The following FANCA variants were observed in gnomAD, a reference collection of about 807,000 sequenced individuals.
The protein encoded by FANCA is Fanconi anemia group A protein.
In FANCA, 236 loss-of-function variants were observed where a neutral mutation model predicts 194.3. The ratio of observed to expected loss-of-function variants is 1.21; its 90% CI spans 1.09 to 1.35. FANCA has a LOEUF of 1.35. Among genes scored for constraint, FANCA ranks in the 40% most tolerant of loss-of-function variants. The pLI is 0.00. For synonymous variants in FANCA, 1,014 were observed against 715.8 expected (o/e 1.42, Z -6.65); for missense variants, 2,628 against 1,813.9 (o/e 1.45, Z -8.15).
intron 17 of FANCA, among the ~76,000 whole-genome samples, chr16:89,780,816 G>C (rs1253419048): frequency 1.3e-5 from 2 of 151,608 alleles, no homozygotes; most frequent in African/African-American, 4.9e-5. Flanking sequence ...TGTACTCCCA[G>C]TTACTCAGGA....
In FANCA at chr16:89,783,028, C is replaced by G. The variant is rs2039774328; in HGVS notation, c.1545G>C (p.Lys515Asn). Residue 515 changes from lysine (K) to asparagine (N), a missense_variant, in exon 16 of 43, where the codon AAG (lysine) becomes AAC (asparagine). By Grantham distance (94) the Lys-to-Asn change is moderately conservative (BLOSUM62 0). Transcript: ENST00000389301. The stretch of plus-strand genomic sequence containing the variant: ...TTGCCTTGAGGTCGGCCAGCCGTGT[C>G]TTGGCCAATGAGATGTAGTCTGTGA... The part of the protein sequence containing the change: ...SLLTDYISLA[K>N]TRLADLKVSI... 1 of 1,614,076 alleles carries G rather than the reference C, an allele frequency of 6.2e-7. No homozygotes were observed. The highest frequency in any genetic ancestry group is 8.5e-7 in the Non-Finnish European group (1 of 1,179,968).
intron 36 of FANCA, among the ~76,000 whole-genome samples, chr16:89,743,929 C>T (rs12445695): frequency 0.42 from 63,335 of 151,888 alleles, 14,611 homozygotes; most frequent in East Asian, 0.76. Flanking sequence ...TGGAGTTTCT[C>T]TCTCATTGCC....
Position 89,765,020 on chromosome 16 carries a change from A to T in FANCA, c.2648T>A (p.Leu883His), listed in dbSNP as rs879255256. 6.2e-7 allele frequency: 1 copy of T among 1,614,264 alleles called. No homozygotes were observed. The highest frequency in any genetic ancestry group is 8.5e-7 in the Non-Finnish European group (1 of 1,180,050). ...FRLFSEARQP[L>H]SEEDVASLSW... ...AAGGCTGGCTACGTCCTCCTCAGAA[A>T]GAGGCTGTCGGGCCTCTGAGAACAA... The change falls in exon 28 of 43, where the codon CTT (leucine) becomes CAT (histidine). Residue 883 changes from leucine (L) to histidine (H), a missense_variant. By Grantham distance (99) the Leu-to-His change is moderately conservative (BLOSUM62 -3). Coordinates refer to ENST00000389301, the MANE Select transcript of FANCA (RefSeq NM_000135.4).
In FANCA at chr16:89,749,725, G is replaced by T. The variant is rs2038514840; in HGVS notation, c.3239+5C>A. On this transcript the variant is annotated splice_donor_5th_base_variant and intron_variant, in intron 32 of 42. Coordinates refer to ENST00000389301, the MANE Select transcript of FANCA (RefSeq NM_000135.4). ...CTGCCCTGCCCAGGTGGTAGTAGGT[G>T]TTACCGTTTGTACATTAGCAGCTCC... 6.2e-7 allele frequency: 1 copy of T among 1,613,120 alleles called. No homozygotes were observed. The highest frequency in any genetic ancestry group is 8.5e-7 in the Non-Finnish European group (1 of 1,179,504).
intron 35 of FANCA, 150 bp downstream of exon 35, chr16:89,746,434 C>T (rs2038392212): frequency 1.4e-6 from 1 of 712,208 alleles, no homozygotes; most frequent in Non-Finnish European, 2.5e-6. Flanking sequence ...TATGAGCTGG[C>T]ATCTTTAACT....
chr16:89,781,221 T>A (rs929656925), intron 17 of FANCA, among the ~76,000 whole-genome samples: 7 of 147,918 alleles, frequency 4.7e-5, no homozygotes, highest in African/African-American at 1.3e-4. Context: ...AAAATTAGCC[T>A]GACGTGGTGG....
intron 27 of FANCA, among the ~76,000 whole-genome samples, chr16:89,766,731 T>G (rs565101034): frequency 4.0e-5 from 6 of 151,812 alleles, no homozygotes; most frequent in Non-Finnish European, 7.4e-5. Flanking sequence ...AAAAAAAAAT[T>G]CCTTTGTCTG....
intron 14 of FANCA, among the ~76,000 whole-genome samples, chr16:89,787,151 G>T (rs979379797): frequency 3.9e-5 from 6 of 152,210 alleles, no homozygotes; most frequent in Non-Finnish European, 7.3e-5. Flanking sequence ...CTTAATGGCT[G>T]GGTGCAGTGG....
chr16:89,805,833 T>G (rs1395039521), intron 6 of FANCA, among the ~76,000 whole-genome samples: 2 of 152,248 alleles, frequency 1.3e-5, no homozygotes, highest in Non-Finnish European at 2.9e-5. Context: ...TTTATTCTAA[T>G]TAAATTCATT....
At position 89,770,243 on chromosome 16, in the gene FANCA, C is replaced by G; in HGVS notation, c.2239G>C (p.Ala747Pro). ...CCACACATGGTCCTCACGAAGAGGG[C>G]AGCCCAGGGACCCTGCCTGCAGAGA... ...APPERQGPWA[A>P]LFVRTMCGRV... Residue 747 changes from alanine (A) to proline (P), a missense_variant, in exon 25 of 43, where the codon GCC (alanine) becomes CCC (proline). Physicochemically the swap from Ala to Pro is conservative, Grantham distance 27. Coordinates refer to ENST00000389301, the MANE Select transcript of FANCA (RefSeq NM_000135.4). 1 of 1,581,648 alleles carries G rather than the reference C, an allele frequency of 6.3e-7. No homozygotes were observed. The highest frequency in any genetic ancestry group is 8.6e-7 in the Non-Finnish European group (1 of 1,163,930).
intron 14 of FANCA, among the ~76,000 whole-genome samples, chr16:89,790,066 G>A (rs1158100823): frequency 1.3e-5 from 2 of 152,180 alleles, no homozygotes; most frequent in African/African-American, 2.4e-5. Flanking sequence ...TATGTGATAC[G>A]GCTGAAGAAA....
At chr16:89,813,403 G>C (rs1053948683) in intron 3 of FANCA, among the ~76,000 whole-genome samples, 1 of 121,342 alleles carries the variant, frequency 8.2e-6, no homozygotes, top group Non-Finnish European at 1.7e-5. Context: ...GTGAGACCCT[G>C]TCTGTTAAAA....
intron 11 of FANCA, 34 bp downstream of exon 11, chr16:89,795,872 G>A (rs746212680): frequency 4.0e-6 from 6 of 1,507,148 alleles, no homozygotes; most frequent in Non-Finnish European, 5.5e-6. Flanking sequence ...CCCCAAAATG[G>A]GTAGCAACTG....
At chr16:89,799,056 G>A (rs1214093673) in intron 10 of FANCA, 110 bp downstream of exon 10, 2 of 1,614,136 alleles carry the variant, frequency 1.2e-6, no homozygotes, top group Non-Finnish European at 1.7e-6. Flanking sequence ...GAGGAAGTGT[G>A]CTCAGGAGCG....
intron 28 of FANCA, chr16:89,762,670 C>A: frequency 3.0e-6 from 1 of 328,020 alleles, no homozygotes; most frequent in Non-Finnish European, 6.3e-6. Context: ...GTTCTGTTGC[C>A]CAGGCTGGAG....
chr16:89,748,639 C>T lies in FANCA; in HGVS notation c.3348+20G>A, dbSNP rs374602648. 7.6e-6 allele frequency: 12 copies of T among 1,586,554 alleles called. No individual in the cohort carries two copies. Among genetic ancestry groups the T allele is most frequent in the South Asian group, 2.2e-5 (2 of 90,506 alleles). On this transcript the variant is annotated intron_variant, in intron 33 of 42. Transcript: ENST00000389301. ...CAGGCACTGACAGATCGGACGGACACGTGCACACGGGGCACCTACCATCTC... is the reference window on the plus strand; with the variant it reads ...CAGGCACTGACAGATCGGACGGACATGTGCACACGGGGCACCTACCATCTC...
rs770851966 is a variant in FANCA, at chr16:89,778,988, A to C, written c.1731T>G (p.Pro577=). ...TVMEASIFRR[P]YYVSHFLPAL... is the part of the protein sequence containing the mutation. ...CGGGGAGGAAGTGGGACACGTAGTA[A>C]GGCCTCCTGAATATGCTGCAACACA... The change falls in exon 19 of 43, where the codon CCT becomes CCG. Residue 577 remains proline, a synonymous_variant. Transcript: ENST00000389301. The C allele has an allele frequency of 2.1e-5, 34 of 1,613,782 alleles. No homozygotes were observed. The South Asian group carries it at 3.7e-4, about 18-fold the overall frequency.
rs1598198180 is a variant in FANCA, at chr16:89,814,015, C to G, written c.283+505G>C. Among the ~76,000 whole-genome samples, 3 of 152,178 alleles carry G rather than the reference C, an allele frequency of 2.0e-5. No individual in the cohort carries two copies. The East Asian group carries it at 5.8e-4, about 29-fold the overall frequency. On this transcript the variant is annotated intron_variant, in intron 3 of 42. Coordinates refer to ENST00000389301, the MANE Select transcript of FANCA (RefSeq NM_000135.4). ...ATCTGTATCATTTGCCAATGACATTCAGTGACCAGTTGTCAAGGGAGCGCT... is the reference window on the plus strand; with the variant it reads ...ATCTGTATCATTTGCCAATGACATTGAGTGACCAGTTGTCAAGGGAGCGCT...
At chr16:89,781,117 C>T (rs992610490) in intron 17 of FANCA, among the ~76,000 whole-genome samples, 2 of 151,918 alleles carry the variant, frequency 1.3e-5, no homozygotes, top group Non-Finnish European at 2.9e-5. Context: ...GTAATCCCAG[C>T]ACTTTGAGAG....
Sources: gnomAD v4.1 joint callset for allele counts (sites outside exome capture counted in the v4.1 genomes callset) on GRCh38, gnomAD v4.1.1 for gene constraint, MANE v1.5 for transcripts, NCBI Gene and HGNC (gene_info 2026-07-23, HGNC 2026-07-21) for gene names.